Variants in SLC39A8 observed in about 807,000 individuals in gnomAD.
The protein encoded by SLC39A8 is metal cation symporter ZIP8.
SLC39A8 carries 15 observed loss-of-function variants against 40.4 expected under a neutral mutation model. That is an observed-to-expected ratio of 0.37 (90% confidence interval 0.25 to 0.57). The LOEUF (loss-of-function observed/expected upper bound fraction) is 0.57, where lower values mean the gene tolerates loss of function less well. Ranked by LOEUF, SLC39A8 falls within the 20% of genes least tolerant of loss-of-function variation. SLC39A8 has a pLI of 0.75. For synonymous variants in SLC39A8, 223 were observed against 221.6 expected (o/e 1.01, Z -0.06); for missense variants, 472 against 558.8 (o/e 0.84, Z 1.57).
intron 2 of SLC39A8, among the ~76,000 whole-genome samples, chr4:102,322,229 G>C (rs904901348): frequency 2.6e-5 from 4 of 152,146 alleles, no homozygotes; most frequent in African/African-American, 7.2e-5. Flanking sequence ...CTGCCGCCAT[G>C]TGAAAGAAGG....
At chr4:102,310,225 C>T (rs1159841089) in intron 3 of SLC39A8, among the ~76,000 whole-genome samples, 1 of 152,048 alleles carries the variant, frequency 6.6e-6, no homozygotes, top group African/African-American at 2.4e-5. Flanking sequence ...TCATACGTGG[C>T]CTTCCAAGCC....
intron 8 of SLC39A8, 26 bp downstream of exon 8, chr4:102,267,464 G>A (rs1732151671): frequency 6.4e-7 from 1 of 1,558,132 alleles, no homozygotes. Context: ...TAAATTAAAA[G>A]AAAATACAAA....
At chr4:102,260,779 T>G (rs184502172), downstream of SLC39A8, among the ~76,000 whole-genome samples, 1 of 152,342 alleles carries the variant, frequency 6.6e-6, no homozygotes. Context: ...AACAGATGAT[T>G]TTCATTTTCA....
chr4:102,287,503 C>G (rs552728954), intron 6 of SLC39A8, among the ~76,000 whole-genome samples: 3 of 152,176 alleles, frequency 2.0e-5, no homozygotes, highest in Admixed American at 6.6e-5. Context: ...CATCCTTGAC[C>G]ATTTCGCTTT....
chr4:102,255,835 A>G (rs1211385944), intron 11 of SLC39A8, among the ~76,000 whole-genome samples: 4 of 152,220 alleles, frequency 2.6e-5, no homozygotes, highest in Non-Finnish European at 5.9e-5. Context: ...CTCCTAACTT[A>G]TACAATGTCA....
rs1731913355 is a variant in SLC39A8, at chr4:102,262,605, T to C, written c.*439A>G. ...TTTACCTTCTACATTTTGATGTACT[T>C]GCTCTTGAAAGCACTAGAACAAATT... On this transcript the variant is annotated 3_prime_UTR_variant, in exon 9 of 9. Transcript: ENST00000356736. 1.0e-6 allele frequency: 1 copy of C among 985,436 alleles called. No individual in the cohort carries two copies. Among genetic ancestry groups the C allele is most frequent in the South Asian group, 4.7e-5 (1 of 21,284 alleles). 61.0% of individuals were successfully genotyped at this position (985,436 alleles called of 1,614,324 possible).
chr4:102,320,182 T>TACATAC, intron 2 of SLC39A8, among the ~76,000 whole-genome samples: 1 of 96,236 alleles, frequency 1.0e-5, no homozygotes, highest in South Asian at 3.7e-4. Flanking sequence ...TATATATATA[T>TACATAC]ATATATATGT....
rs147405273 is a variant in SLC39A8, at chr4:102,326,537, G to A, written c.220-10707C>T. 4.8e-3 allele frequency among the ~76,000 whole-genome samples: 738 copies of A among 152,230 alleles called. 4 individuals are homozygous for A. Among genetic ancestry groups the A allele is most frequent in the Middle Eastern group, 0.01 (3 of 294 alleles). On this transcript the variant is annotated intron_variant, in intron 2 of 8. Coordinates refer to ENST00000356736, the MANE Select transcript of SLC39A8 (RefSeq NM_001135146.2). ...GATCGCGCCACTGCATTCCAGCCTG[G>A]GCGACAGAGCAAGACTCCGTCTCAA...
intron 3 of SLC39A8, 86 bp from the exon 4 acceptor site, chr4:102,307,691 C>T: frequency 7.5e-7 from 1 of 1,333,544 alleles, no homozygotes; most frequent in Non-Finnish European, 1.0e-6. Context: ...TTAAAAGTGT[C>T]TTTAAAAGCT....
intron 6 of SLC39A8, among the ~76,000 whole-genome samples, chr4:102,294,907 G>A (rs181440670): frequency 1.3e-5 from 2 of 151,732 alleles, no homozygotes; most frequent in Non-Finnish European, 2.9e-5. Flanking sequence ...TTATTAAATT[G>A]GCAATAATCT....
At chr4:102,301,722 G>C (rs971078284) in intron 6 of SLC39A8, among the ~76,000 whole-genome samples, 14 of 151,922 alleles carry the variant, frequency 9.2e-5, no homozygotes, top group Non-Finnish European at 1.9e-4. Context: ...TCTTTGTCAT[G>C]GTGCTTAGAT....
At chr4:102,297,069 T>C (rs749634583) in intron 6 of SLC39A8, among the ~76,000 whole-genome samples, 1 of 152,004 alleles carries the variant, frequency 6.6e-6, no homozygotes, top group Non-Finnish European at 1.5e-5. Context: ...AAATGAATAA[T>C]TTAATTTAAT....
intron 6 of SLC39A8, among the ~76,000 whole-genome samples, chr4:102,296,850 G>A (rs756678653): frequency 2.6e-5 from 4 of 152,014 alleles, no homozygotes; most frequent in Non-Finnish European, 4.4e-5. Flanking sequence ...GGGCTCCAGC[G>A]AAAAACCTGC....
intron 4 of SLC39A8, among the ~76,000 whole-genome samples, chr4:102,305,687 T>C (rs1310062511): frequency 6.6e-6 from 1 of 151,950 alleles, no homozygotes; most frequent in Non-Finnish European, 1.5e-5. Flanking sequence ...GATTTAAAAT[T>C]GCCACCACTC....
chr4:102,270,364 AG>A (rs906704491), intron 6 of SLC39A8, among the ~76,000 whole-genome samples: 1 of 152,198 alleles, frequency 6.6e-6, no homozygotes, highest in Non-Finnish European at 1.5e-5. Context: ...ACTGTTGAGC[AG>A]GTAAGAGTTA....
chr4:102,322,065 C>G (rs1177284698), intron 2 of SLC39A8, among the ~76,000 whole-genome samples: 2 of 152,138 alleles, frequency 1.3e-5, no homozygotes, highest in East Asian at 1.9e-4. Flanking sequence ...TTTGTCCCAT[C>G]ATCTAGTAAC....
Position 102,297,362 on chromosome 4 carries a change from G to C in SLC39A8, c.840+6955C>G, listed in dbSNP as rs562405021. ...TGTACATCAGTTTCCAAATCTGCAA[G>C]ATGGAAATAATAATCGTACTTGCCT... On this transcript the variant is annotated intron_variant, in intron 6 of 8. Coordinates refer to ENST00000356736, the MANE Select transcript of SLC39A8 (RefSeq NM_001135146.2). Among the ~76,000 whole-genome samples, 46 of 152,200 alleles carry C rather than the reference G, an allele frequency of 3.0e-4. 1 individual carries two copies. In the South Asian group the frequency reaches 8.1e-3, roughly 27 times the overall value.
At chr4:102,340,742 AG>A in intron 2 of SLC39A8, among the ~76,000 whole-genome samples, 1 of 152,376 alleles carries the variant, frequency 6.6e-6, no homozygotes, top group South Asian at 2.1e-4. Context: ...AAGTGACATC[AG>A]CATGGTAAAA....
At chr4:102,272,311 C>T (rs544357903) in intron 6 of SLC39A8, among the ~76,000 whole-genome samples, 12 of 151,922 alleles carry the variant, frequency 7.9e-5, no homozygotes, top group East Asian at 1.9e-4. Flanking sequence ...TGGTGGTGGG[C>T]GCCTGTAGTC....
Sources: allele counts gnomAD v4.1 joint callset (sites outside exome capture counted in the v4.1 genomes callset), GRCh38; gene constraint gnomAD v4.1.1; transcripts MANE v1.5; gene names NCBI Gene and HGNC (gene_info 2026-07-23, HGNC 2026-07-21).